Variants in CPT2 observed in about 807,000 individuals in gnomAD.
The protein encoded by CPT2 is carnitine O-palmitoyltransferase 2, mitochondrial.
A neutral mutation model predicts 48.6 loss-of-function variants in CPT2; 37 were observed. The observed-to-expected ratio is 0.76, with a 90% confidence interval of 0.59 to 1.00. The LOEUF is 1.00. Ranked by LOEUF, CPT2 falls within the 50% of genes least tolerant of loss-of-function variation. The pLI, the probability that CPT2 is intolerant of heterozygous loss-of-function variation, is 0.00. For missense variants in CPT2, 772 were observed against 825.6 expected, an observed-to-expected ratio of 0.94 and a Z score of 0.80; for synonymous variants, 319 against 326.9, an observed-to-expected ratio of 0.98 and a Z score of 0.26.
chr1:53,210,413 A>T lies in CPT2; in HGVS notation c.739A>T (p.Arg247Trp), dbSNP rs1360046080. Residue 247 changes from arginine (R) to tryptophan (W), a missense_variant, in exon 4 of 5, where the codon AGG becomes TGG. By Grantham distance (101) the Arg-to-Trp change is moderately radical. Transcript: ENST00000371486. ...CAAGGCCAGACACCTCCTGGTCCTA[A>T]GGAAAGGAAATTTTTATATCTTTGA... is the stretch of plus-strand genomic sequence containing the variant. ...DDKARHLLVLRKGNFYIFDVL... is the reference protein window; with the variant it reads ...DDKARHLLVLWKGNFYIFDVL... 6.2e-7 allele frequency: 1 copy of T among 1,614,152 alleles called. No homozygotes were observed. Among genetic ancestry groups the T allele is most frequent in the Non-Finnish European group, 8.5e-7 (1 of 1,180,024 alleles).
intron 4 of CPT2, chr1:53,211,686 AC>A: frequency 4.2e-6 from 1 of 240,746 alleles, no homozygotes; most frequent in Non-Finnish European, 7.2e-6. Context: ...TGCAACCTCC[AC>A]CCCCAGGTTC....
intron 3 of CPT2, chr1:53,203,069 T>C (rs1219418202): frequency 6.5e-6 from 1 of 152,672 alleles, no homozygotes; most frequent in Admixed American, 6.5e-5. Context: ...CAGACAGTTC[T>C]ATAAGGCTTG....
chr1:53,209,461 G>A (rs904779002), intron 3 of CPT2: 2 of 163,276 alleles, frequency 1.2e-5, no homozygotes, highest in Non-Finnish European at 2.7e-5. Flanking sequence ...CCATATAATG[G>A]AACATTGTTC....
chr1:53,198,682 T>C (rs1645338296), intron 1 of CPT2, among the ~76,000 whole-genome samples: 1 of 152,220 alleles, frequency 6.6e-6, no homozygotes, highest in African/African-American at 2.4e-5. Flanking sequence ...TTCTGCACTT[T>C]AGAATTGGAA....
Position 53,210,474 on chromosome 1 carries a change from C to G in CPT2, c.800C>G (p.Ser267Trp). The part of the protein sequence containing the change: ...LDQDGNIVSP[S>W]EIQAHLKYIL... ...CAAGATGGGAACATTGTGAGCCCCT[C>G]GGAAATCCAGGCACATCTGAAGTAC... Residue 267 changes from serine (S) to tryptophan (W), a missense_variant, in exon 4 of 5, where the codon TCG becomes TGG. Coordinates refer to ENST00000371486, the MANE Select transcript of CPT2 (RefSeq NM_000098.3). The G allele has an allele frequency of 6.2e-7, 1 of 1,614,060 alleles. No individual in the cohort carries two copies. Among genetic ancestry groups the G allele is most frequent in the Non-Finnish European group, 8.5e-7 (1 of 1,180,036 alleles).
Position 53,200,429 on chromosome 1 carries a change from C to A in CPT2, c.153-290C>A, listed in dbSNP as rs1237492442. 53 of 348,922 alleles carry A rather than the reference C, an allele frequency of 1.5e-4. 1 individual carries two copies. Among genetic ancestry groups the A allele is most frequent in the South Asian group, 1.2e-3 (43 of 35,968 alleles). The allele number at this position is 348,922 out of a possible 1,614,324, so 21.6% of individuals were successfully genotyped here. ...AGGTGTTATCATTGTGACCAGAAAACAGGAATTCTTGGGGCAGCTTCTGCT... is the reference window on the plus strand; with the variant it reads ...AGGTGTTATCATTGTGACCAGAAAAAAGGAATTCTTGGGGCAGCTTCTGCT... On this transcript the variant is annotated intron_variant, in intron 1 of 4. Coordinates refer to ENST00000371486, the MANE Select transcript of CPT2 (RefSeq NM_000098.3).
chr1:53,202,581 G>A, intron 3 of CPT2, 152 bp downstream of exon 3: 11 of 706,368 alleles, frequency 1.6e-5, no homozygotes, highest in Non-Finnish European at 2.6e-5. Flanking sequence ...GTAAATTAAG[G>A]CTGAGTGTGT....
At position 53,210,630 on chromosome 1, in the gene CPT2, A is replaced by C. The variant is rs762468710; in HGVS notation, c.956A>C (p.Asp319Ala). ...AATGAGGAGAGCCTGAGGAAAGTGG[A>C]CTCGGCAGTGTTCTGTCTCTGCCTA... The part of the protein sequence containing the change: ...SGNEESLRKV[D>A]SAVFCLCLDD... The change falls in exon 4 of 5, where the codon GAC becomes GCC. Residue 319 changes from aspartate to alanine, a missense_variant. Asp to Ala is a moderately radical substitution (Grantham distance 126, BLOSUM62 -2). Transcript: ENST00000371486. 1 of 1,614,020 alleles carries C rather than the reference A, an allele frequency of 6.2e-7. No individual in the cohort carries two copies. Among genetic ancestry groups the C allele is most frequent in the Non-Finnish European group, 8.5e-7 (1 of 1,180,002 alleles).
chr1:53,210,544 C>A lies in CPT2; in HGVS notation c.870C>A (p.Tyr290Ter). The change falls in exon 4 of 5, where the codon TAC becomes TAA. Residue 290 changes from tyrosine (Y) to a stop codon, truncating the protein, a stop_gained. Coordinates refer to ENST00000371486, the MANE Select transcript of CPT2 (RefSeq NM_000098.3). LOFTEE classifies it high-confidence loss of function. ...SSPAPEFPLA[Y>*]LTSENRDIWA... ...CCGCCCCCGAGTTTCCCCTGGCATA[C>A]CTGACCAGTGAGAACCGAGACATCT... The A allele has an allele frequency of 1.9e-6, 3 of 1,614,142 alleles. No homozygotes were observed. The highest frequency in any genetic ancestry group is 2.5e-6 in the Non-Finnish European group (3 of 1,180,028).
At position 53,210,342 on chromosome 1, in the gene CPT2, CA is replaced by C. The variant is rs762366252; in HGVS notation, c.670del (p.Thr224LeufsTer23). On this transcript the variant is annotated frameshift_variant, in exon 4 of 5. Coordinates refer to ENST00000371486, the MANE Select transcript of CPT2 (RefSeq NM_000098.3). LOFTEE classifies it high-confidence loss of function. ...DMSQYFRLFN[S>X]TRLPKPSRDE... ...TCCCAGTATTTTCGGCTTTTCAACTCAACTCGTTTACCCAAACCCAGTCGGG... is the reference window on the plus strand; with the variant it reads ...TCCCAGTATTTTCGGCTTTTCAACTCACTCGTTTACCCAAACCCAGTCGGG... 1.9e-6 allele frequency: 3 copies of C among 1,614,020 alleles called. No individual in the cohort carries two copies. The Admixed American group carries it at 5.0e-5, about 27-fold the overall frequency.
rs766061600 is a variant in CPT2 at position 53,196,833 on chromosome 1, C to T, written c.-111C>T. Reference sequence around the variant, plus strand: ...GAAGTGGCCTGCGGGCGGAGAAGTGCCTCAGGAGTCCTGACGCAGTGTCTT... The same window carrying T: ...GAAGTGGCCTGCGGGCGGAGAAGTGTCTCAGGAGTCCTGACGCAGTGTCTT... On this transcript the variant is annotated 5_prime_UTR_variant, in exon 1 of 5. Transcript: ENST00000371486. 1.2e-5 allele frequency: 17 copies of T among 1,379,334 alleles called. No homozygotes were observed. Among genetic ancestry groups the T allele is most frequent in the African/African-American group, 1.5e-5 (1 of 67,540 alleles). The allele number at this position is 1,379,334 out of a possible 1,614,324, so 85.4% of individuals were successfully genotyped here. A position where few individuals can be genotyped will look rare whatever the true frequency, so the allele number is the denominator to read the frequency against.
chr1:53,198,998 G>T (rs1645339951), intron 1 of CPT2, among the ~76,000 whole-genome samples: 1 of 152,254 alleles, frequency 6.6e-6, no homozygotes, highest in Non-Finnish European at 1.5e-5. Context: ...TGTAGTTGCA[G>T]ATTCTGGATC....
intron 2 of CPT2, 180 bp downstream of exon 2, chr1:53,200,979 C>A (rs1645351864): frequency 3.0e-6 from 2 of 664,286 alleles, no homozygotes; most frequent in Non-Finnish European, 5.5e-6. Context: ...CTGACCAAGC[C>A]CCGAGAGTTC....
intron 4 of CPT2, 100 bp from the exon 5 acceptor site, chr1:53,213,164 G>T: frequency 1.7e-6 from 2 of 1,162,440 alleles, no homozygotes; most frequent in Non-Finnish European, 1.3e-6. Context: ...CCACTCTCAA[G>T]GATGCTGTGA....
In CPT2 at chr1:53,196,904, C is replaced by G; in HGVS notation, c.-40C>G. ...GCCTTGTGTTTAGACTCCAGAACTC[C>G]CCACTTGCCGCGTTCTCGCCGCCGC... is the stretch of plus-strand genomic sequence containing the variant. On this transcript the variant is annotated 5_prime_UTR_variant, in exon 1 of 5. Coordinates refer to ENST00000371486, the MANE Select transcript of CPT2 (RefSeq NM_000098.3). 6.5e-7 allele frequency: 1 copy of G among 1,535,514 alleles called. No individual in the cohort carries two copies. The highest frequency in any genetic ancestry group is 8.7e-7 in the Non-Finnish European group (1 of 1,148,838).
chr1:53,206,794 T>C (rs2100267523), intron 3 of CPT2, among the ~76,000 whole-genome samples: 1 of 152,356 alleles, frequency 6.6e-6, no homozygotes, highest in East Asian at 1.9e-4. Context: ...TTTACTCAGA[T>C]GAGACTTTGG....
intron 4 of CPT2, chr1:53,211,669 G>A (rs138199976): frequency 0.011 from 3,370 of 320,438 alleles, 39 homozygotes; most frequent in South Asian, 0.037. Context: ...GCGTGATCTC[G>A]GCTCACTGCA....
In CPT2 at chr1:53,200,812, A is replaced by G; in HGVS notation, c.233+13A>G. The G allele has an allele frequency of 6.2e-7, 1 of 1,603,294 alleles. No individual in the cohort carries two copies. Reference sequence around the variant, plus strand: ...ATGGCCAGTTCAGGTAAACACTGAGAACCTTGGGTGAGCATAGTTGGGGTG... The same window carrying G: ...ATGGCCAGTTCAGGTAAACACTGAGGACCTTGGGTGAGCATAGTTGGGGTG... On this transcript the variant is annotated intron_variant, in intron 2 of 4. Coordinates refer to ENST00000371486, the MANE Select transcript of CPT2 (RefSeq NM_000098.3).
chr1:53,204,779 G>A (rs12058755), intron 3 of CPT2, among the ~76,000 whole-genome samples: 3,984 of 152,164 alleles, frequency 0.026, 156 homozygotes, highest in African/African-American at 0.081. Flanking sequence ...GGTTTCTCAC[G>A]AGCTCTGATA....
Sources: allele counts gnomAD v4.1 joint callset (sites outside exome capture counted in the v4.1 genomes callset), GRCh38; gene constraint gnomAD v4.1.1; transcripts MANE v1.5; gene names NCBI Gene and HGNC (gene_info 2026-07-23, HGNC 2026-07-21).